The following RGS1 variants were observed in gnomAD, a reference collection of about 807,000 sequenced individuals.
RGS1 encodes the protein B-cell activation protein BL34.
Under a neutral mutation model 22.2 loss-of-function variants are expected in RGS1, and 11 were observed. That is an observed-to-expected ratio of 0.50 (90% CI 0.31 to 0.82). The LOEUF is 0.82. RGS1 is among the 40% of genes least tolerant of loss of function. The pLI is 0.04. For missense variants in RGS1, 255 were observed against 245.8 expected (o/e 1.04, Z -0.25); for synonymous variants, 81 against 79.9 (o/e 1.01, Z -0.07).
chr1:192,578,594 T>A (rs550687640), intron 4 of RGS1: 1 of 625,408 alleles, frequency 1.6e-6, no homozygotes, highest in South Asian at 2.2e-5. Flanking sequence ...AGACTGATTT[T>A]ACAAAACCAG....
In RGS1 at chr1:192,579,256, C is replaced by T. The variant is rs1157876006; in HGVS notation, c.564C>T (p.Pro188=). Residue 188 remains proline (P), a synonymous_variant, in exon 5 of 5, where the codon CCC becomes CCT. Coordinates refer to ENST00000367459, the MANE Select transcript of RGS1 (RefSeq NM_002922.4). ...IYTLMEKDSY[P]RFLKSDIYLN... is the part of the protein sequence containing the mutation. ...CTCTTATGGAAAAGGACTCTTATCC[C>T]AGGTTCCTCAAATCAGATATTTACT... is the stretch of plus-strand genomic sequence containing the variant. The T allele has an allele frequency of 6.2e-7, 1 of 1,613,052 alleles. No individual in the cohort carries two copies. Among genetic ancestry groups the T allele is most frequent in the South Asian group, 1.1e-5 (1 of 91,048 alleles).
rs371471835 is a variant in RGS1, at chr1:192,575,897, C to G, written c.105C>G (p.Asp35Glu). Residue 35 changes from aspartate to glutamate, a missense_variant, in exon 1 of 5, where the codon GAC becomes GAG. Transcript: ENST00000367459. ...ELKGTTHSLL[D>E]DKMQKRRPKT... Reference sequence around the variant, plus strand: ...AAGGAACCACTCATTCACTTCTAGACGACAAAATGCAAAAAAGGAGGCCAA... The same window carrying G: ...AAGGAACCACTCATTCACTTCTAGAGGACAAAATGCAAAAAAGGAGGCCAA... 2.4e-5 allele frequency: 39 copies of G among 1,612,988 alleles called. No homozygotes were observed. Among genetic ancestry groups the G allele is most frequent in the Non-Finnish European group, 3.1e-5 (36 of 1,179,334 alleles).
intron 4 of RGS1, chr1:192,578,748 T>C: frequency 2.5e-6 from 1 of 393,904 alleles, no homozygotes; most frequent in Non-Finnish European, 4.5e-6. Context: ...CAAAAGTATT[T>C]CCAATTAACA....
Position 192,579,477 on chromosome 1 carries a change from G to A in RGS1, c.*155G>A. 1.6e-6 allele frequency: 1 copy of A among 642,764 alleles called. No homozygotes were observed. Among genetic ancestry groups the A allele is most frequent in the African/African-American group, 1.9e-5 (1 of 53,470 alleles). 39.8% of individuals were successfully genotyped at this position (642,764 alleles called of 1,614,324 possible). ...AATGGATTAACATGAAAGTTATCCA[G>A]GCGCAGAGTTGAAGAAGCATAAGCA... On this transcript the variant is annotated 3_prime_UTR_variant, in exon 5 of 5. Coordinates refer to ENST00000367459, the MANE Select transcript of RGS1 (RefSeq NM_002922.4).
chr1:192,576,304 T>C lies in RGS1; in HGVS notation c.157T>C (p.Tyr53His). 2 of 1,610,588 alleles carry C rather than the reference T, an allele frequency of 1.2e-6. No individual in the cohort carries two copies. Among genetic ancestry groups the C allele is most frequent in the South Asian group, 1.1e-5 (1 of 90,938 alleles). Residue 53 changes from tyrosine to histidine, a missense_variant, in exon 2 of 5, where the codon TAC becomes CAC. Tyr to His is a moderately conservative substitution (Grantham distance 83). Transcript: ENST00000367459. Reference protein sequence around the residue: ...PKTFGMDMKAYLRSMIPHLES... With the variant: ...PKTFGMDMKAHLRSMIPHLES... ...TTGTAGTGGAATGGATATGAAAGCA[T>C]ACCTGAGATCTATGATCCCACATCT...
Position 192,576,336 on chromosome 1 carries a change from T to C in RGS1, c.189T>C (p.Ser63=), listed in dbSNP as rs371838216. 30 of 1,611,344 alleles carry C rather than the reference T, an allele frequency of 1.9e-5. No individual in the cohort carries two copies. The highest frequency in any genetic ancestry group is 2.5e-5 in the Non-Finnish European group (29 of 1,178,066). The change falls in exon 2 of 5, where the codon TCT becomes TCC. Residue 63 remains serine, a synonymous_variant. Coordinates refer to ENST00000367459, the MANE Select transcript of RGS1 (RefSeq NM_002922.4). The part of the protein sequence containing the change: ...YLRSMIPHLE[S]GMKSSKSKDV... ...GATCTATGATCCCACATCTGGAATC[T>C]GGAATGAAATCTTCCAAGTCCAAGG...
chr1:192,576,255 T>C, intron 1 of RGS1, 30 bp from the exon 2 acceptor site: 1 of 1,454,924 alleles, frequency 6.9e-7, no homozygotes, highest in Non-Finnish European at 9.6e-7. Flanking sequence ...TCTGAAGAAA[T>C]ATGAATATTC....
chr1:192,576,562 A>G, intron 2 of RGS1, 197 bp downstream of exon 2: 1 of 637,086 alleles, frequency 1.6e-6, no homozygotes, highest in Non-Finnish European at 2.6e-6. Flanking sequence ...GACTTTATCT[A>G]TTTGGATTTT....
intron 4 of RGS1, chr1:192,578,918 C>T: frequency 1.9e-6 from 1 of 517,562 alleles, no homozygotes; most frequent in African/African-American, 2.0e-5. Context: ...CCTCTCCTAA[C>T]TATACTATGA....
chr1:192,577,254 C>T (rs1662077726), intron 3 of RGS1: 1 of 156,866 alleles, frequency 6.4e-6, no homozygotes, highest in African/African-American at 2.4e-5. Flanking sequence ...ATACATTCAT[C>T]ATTCATCTCA....
intron 4 of RGS1, chr1:192,578,872 T>C: frequency 9.0e-6 from 4 of 444,792 alleles, no homozygotes; most frequent in Non-Finnish European, 1.6e-5. Context: ...GATCATCTTA[T>C]GTGGATACTT....
At chr1:192,576,974 G>A in intron 3 of RGS1, 139 bp downstream of exon 3, 1 of 615,546 alleles carries the variant, frequency 1.6e-6, no homozygotes. Flanking sequence ...GATAACTTCA[G>A]CATAGTATGC....
At chr1:192,577,388 A>G (rs1662080273) in intron 3 of RGS1, 1 of 152,110 alleles carries the variant, frequency 6.6e-6, no homozygotes, top group South Asian at 2.1e-4. Flanking sequence ...GATAGTTTTT[A>G]TGACATAAAT....
At chr1:192,578,536 G>A in intron 4 of RGS1, 151 bp downstream of exon 4, 1 of 849,570 alleles carries the variant, frequency 1.2e-6, no homozygotes, top group Non-Finnish European at 1.8e-6. Context: ...AGTGCAATGA[G>A]AATCTAATTT....
rs1022540976 is a variant in RGS1 at position 192,579,553 on chromosome 1, T to G, written c.*231T>G. Reference sequence around the variant, plus strand: ...GGAGGAAGATACTGTGGTACTGTCATAAAAAACAGTGGAGCTCTGTATTAG... The same window carrying G: ...GGAGGAAGATACTGTGGTACTGTCAGAAAAAACAGTGGAGCTCTGTATTAG... On this transcript the variant is annotated 3_prime_UTR_variant, in exon 5 of 5. Coordinates refer to ENST00000367459, the MANE Select transcript of RGS1 (RefSeq NM_002922.4). 4 of 438,354 alleles carry G rather than the reference T, an allele frequency of 9.1e-6. No homozygotes were observed. Among genetic ancestry groups the G allele is most frequent in the Non-Finnish European group, 1.6e-5 (4 of 248,698 alleles). The allele number at this position is 438,354 out of a possible 1,614,324, so 27.2% of individuals were successfully genotyped here. A position where few individuals can be genotyped will look rare whatever the true frequency, so the allele number is the denominator to read the frequency against.
intron 1 of RGS1, 45 bp from the exon 2 acceptor site, chr1:192,576,240 T>C: frequency 7.2e-7 from 1 of 1,389,148 alleles, no homozygotes; most frequent in Non-Finnish European, 1.0e-6. Flanking sequence ...ACAAATAAAA[T>C]GAATTCTGAA....
rs563977117 is a variant in RGS1 at position 192,577,945 on chromosome 1, G to A, written c.281-277G>A. The A allele has an allele frequency of 1.5e-3, 554 of 370,232 alleles. 2 individuals carry two copies. Among genetic ancestry groups the A allele is most frequent in the Non-Finnish European group, 2.1e-3 (435 of 205,844 alleles). 22.9% of individuals were successfully genotyped at this position (370,232 alleles called of 1,614,324 possible). A position where few individuals can be genotyped will look rare whatever the true frequency, so the allele number is the denominator to read the frequency against. ...GTGGAGCAGAATTTCAATTCAAACC[G>A]CGGATAGAAGCAAAACAGTTTGGTA... On this transcript the variant is annotated intron_variant, in intron 3 of 4. Transcript: ENST00000367459.
At chr1:192,578,200 C>A (rs548171485) in intron 3 of RGS1, 22 bp from the exon 4 acceptor site, 129 of 1,591,366 alleles carry the variant, frequency 8.1e-5, no homozygotes, top group Non-Finnish European at 1.0e-4. Flanking sequence ...TATCTCCCCA[C>A]CCACCCCTCG....
chr1:192,576,133 T>A, intron 1 of RGS1, 152 bp from the exon 2 acceptor site: 1 of 890,204 alleles, frequency 1.1e-6, no homozygotes, highest in Non-Finnish European at 1.7e-6. Context: ...AGTTTTTCTC[T>A]ACACAGGCTC....
Sources: allele counts gnomAD v4.1 joint callset, GRCh38; gene constraint gnomAD v4.1.1; transcripts MANE v1.5; gene names NCBI Gene and HGNC (gene_info 2026-07-23, HGNC 2026-07-21).